The following COL11A1 variants were observed in gnomAD, a reference collection of about 807,000 sequenced individuals.
The protein encoded by COL11A1 is collagen alpha-1(XI) chain.
Under a neutral mutation model 265.2 loss-of-function variants are expected in COL11A1, and 74 were observed. The observed-to-expected ratio is 0.28, with a 90% CI of 0.23 to 0.34. The LOEUF is 0.34. COL11A1 is among the 10% of genes least tolerant of loss of function. The pLI, the probability that COL11A1 is intolerant of heterozygous loss-of-function variation, is 1.00. For missense variants in COL11A1, 2,165 were observed against 2,263.6 expected (o/e 0.96, Z 0.88); for synonymous variants, 816 against 727.6 (o/e 1.12, Z -1.96).
chr1:102,908,208 C>A (rs1654219810), intron 54 of COL11A1, among the ~76,000 whole-genome samples: 1 of 151,916 alleles, frequency 6.6e-6, no homozygotes, highest in Non-Finnish European at 1.5e-5. Context: ...CTTTTTCATG[C>A]CTTTGGCATA....
chr1:102,918,439 G>C (rs1430240902), intron 49 of COL11A1, among the ~76,000 whole-genome samples: 1 of 151,670 alleles, frequency 6.6e-6, no homozygotes, highest in African/African-American at 2.4e-5. Context: ...AAAAGATACT[G>C]GTTTTTTTAT....
chr1:103,088,733 T>G (rs1673071080), intron 1 of COL11A1, among the ~76,000 whole-genome samples: 1 of 152,106 alleles, frequency 6.6e-6, no homozygotes. Context: ...AAATAGGAGT[T>G]CCTCAGTGAA....
At position 102,979,213 on chromosome 1, in the gene COL11A1, G is replaced by A. The variant is rs148005455; in HGVS notation, c.2611-109C>T. ...ACATCATTCATTCATTCATTCATTCGTATTCATTTAGAGACAGACTTGCTA... is the reference window on the plus strand; with the variant it reads ...ACATCATTCATTCATTCATTCATTCATATTCATTTAGAGACAGACTTGCTA... On this transcript the variant is annotated intron_variant, in intron 32 of 66. Transcript: ENST00000370096. 3.7e-4 allele frequency: 476 copies of A among 1,284,176 alleles called. 1 individual carries two copies. In the South Asian group the frequency reaches 3.8e-3, roughly 10 times the overall value. 79.5% of individuals were successfully genotyped at this position (1,284,176 alleles called of 1,614,324 possible). A position where few individuals can be genotyped will look rare whatever the true frequency, so the allele number is the denominator to read the frequency against.
Position 102,892,116 on chromosome 1 carries a change from C to A in COL11A1, c.4303-1612G>T, listed in dbSNP as rs112949892. Among the ~76,000 whole-genome samples the A allele has an allele frequency of 2.3e-3, 348 of 152,230 alleles. 3 individuals are homozygous for A. The highest frequency in any genetic ancestry group is 7.5e-3 in the African/African-American group (313 of 41,558). On this transcript the variant is annotated intron_variant, in intron 57 of 66. Coordinates refer to ENST00000370096, the MANE Select transcript of COL11A1 (RefSeq NM_001854.4). ...TATGTCACTATGTCACTACTGCTTG[C>A]CGCAAGTCCTAAGGCACCCAGCAAC...
At chr1:103,032,423 A>T (rs1005071883) in intron 4 of COL11A1, among the ~76,000 whole-genome samples, 1 of 152,124 alleles carries the variant, frequency 6.6e-6, no homozygotes, top group Admixed American at 6.6e-5. Context: ...TACACAAAAT[A>T]TTGAACCTGT....
intron 4 of COL11A1, among the ~76,000 whole-genome samples, chr1:103,043,899 A>C (rs938515958): frequency 2.0e-5 from 3 of 152,098 alleles, no homozygotes; most frequent in African/African-American, 7.2e-5. Context: ...TGCCAGTGTA[A>C]AATAAATAGC....
At chr1:102,966,840 A>G (rs1661445407) in intron 37 of COL11A1, among the ~76,000 whole-genome samples, 1 of 152,134 alleles carries the variant, frequency 6.6e-6, no homozygotes, top group South Asian at 2.1e-4. Flanking sequence ...ATAAACCTCT[A>G]ATCAGTATGA....
intron 1 of COL11A1, among the ~76,000 whole-genome samples, chr1:103,095,719 C>T (rs1673703125): frequency 6.6e-6 from 1 of 151,482 alleles, no homozygotes; most frequent in African/African-American, 2.4e-5. Flanking sequence ...GATATTTTCT[C>T]ATGTAAATTT....
chr1:102,919,698 A>G (rs1016569541), intron 49 of COL11A1, among the ~76,000 whole-genome samples: 2 of 152,062 alleles, frequency 1.3e-5, no homozygotes, highest in Non-Finnish European at 1.5e-5. Flanking sequence ...TTTTTATAAA[A>G]GGAAGAGCAG....
chr1:102,997,400 T>C (rs1398727274), intron 25 of COL11A1, among the ~76,000 whole-genome samples: 3 of 151,924 alleles, frequency 2.0e-5, no homozygotes, highest in African/African-American at 7.2e-5. Flanking sequence ...ATAATACATA[T>C]CATTCATTAA....
chr1:102,933,557 G>GC (rs893672991), intron 46 of COL11A1, among the ~76,000 whole-genome samples: 1 of 152,144 alleles, frequency 6.6e-6, no homozygotes, highest in Non-Finnish European at 1.5e-5. Flanking sequence ...TCAGTGCTCT[G>GC]CCCCCCAGAG....
At chr1:103,080,107 T>G (rs1444372701) in intron 2 of COL11A1, among the ~76,000 whole-genome samples, 4 of 151,916 alleles carry the variant, frequency 2.6e-5, no homozygotes, top group African/African-American at 9.7e-5. Flanking sequence ...AATAGAATCG[T>G]ATGCAGCCAC....
At chr1:102,979,691 T>C (rs1662852370) in intron 31 of COL11A1, 1 of 523,144 alleles carries the variant, frequency 1.9e-6, no homozygotes, top group Non-Finnish European at 3.5e-6. Flanking sequence ...CAAGTATTAT[T>C]TCATCTCTTG....
rs187607447 is a variant in COL11A1 at position 102,921,021 on chromosome 1, T to C, written c.3708+497A>G. 1.4e-3 allele frequency among the ~76,000 whole-genome samples: 219 copies of C among 152,288 alleles called. 1 individual carries two copies. Among genetic ancestry groups the C allele is most frequent in the African/African-American group, 4.9e-3 (205 of 41,572 alleles). ...ATTATATTTCAAAATCTTATAACAT[T>C]AAAATAATTTTTAAGCTTGGAGAAT... On this transcript the variant is annotated intron_variant, in intron 48 of 66. Transcript: ENST00000370096.
intron 1 of COL11A1, among the ~76,000 whole-genome samples, chr1:103,092,981 C>CA (rs564084749): frequency 3.1e-3 from 453 of 148,074 alleles, no homozygotes; most frequent in South Asian, 9.0e-3. Flanking sequence ...AACAAACAAA[C>CA]AAAAAAAAAC....
At chr1:103,074,517 C>T in intron 4 of COL11A1, 101 bp downstream of exon 4, 1 of 1,346,706 alleles carries the variant, frequency 7.4e-7, no homozygotes, top group Non-Finnish European at 1.0e-6. Flanking sequence ...GAGTTTTCAA[C>T]TTTGCTTTAT....
intron 57 of COL11A1, among the ~76,000 whole-genome samples, chr1:102,897,371 T>C (rs1652560819): frequency 6.6e-6 from 1 of 151,808 alleles, no homozygotes; most frequent in African/African-American, 2.4e-5. Context: ...TGATTTGCCA[T>C]TTTGATTAAT....
chr1:103,002,313 C>G (rs1298935291), intron 23 of COL11A1, 115 bp downstream of exon 23: 1 of 985,158 alleles, frequency 1.0e-6, no homozygotes, highest in Non-Finnish European at 1.6e-6. Flanking sequence ...TTCCTACATT[C>G]ACATTTTAAA....
At chr1:102,958,535 ACTTGTTAT>A (rs1233144893) in intron 41 of COL11A1, among the ~76,000 whole-genome samples, 2 of 152,156 alleles carry the variant, frequency 1.3e-5, no homozygotes, top group African/African-American at 2.4e-5. Context: ...CTCGCTCAGC[ACTTGTTAT>A]GAACTGAGTC....
Sources: allele counts gnomAD v4.1 joint callset (sites outside exome capture counted in the v4.1 genomes callset), GRCh38; gene constraint gnomAD v4.1.1; transcripts MANE v1.5; gene names NCBI Gene and HGNC (gene_info 2026-07-23, HGNC 2026-07-21).